Variants in NRXN3 observed in about 807,000 individuals in gnomAD.
NRXN3 encodes neurexin 3.
Under a neutral mutation model 137.6 loss-of-function variants are expected in NRXN3, and 32 were observed. That is an observed-to-expected ratio of 0.23 (90% confidence interval 0.18 to 0.31). The LOEUF (loss-of-function observed/expected upper bound fraction) is 0.31. NRXN3 is among the 10% of genes least tolerant of loss of function. NRXN3 has a pLI of 1.00. For synonymous variants in NRXN3, 798 were observed against 784.5 expected (o/e 1.02, Z -0.29); for missense variants, 1,574 against 2,062.5 (o/e 0.76, Z 4.59).
intron 16 of NRXN3, among the ~76,000 whole-genome samples, chr14:79,657,124 T>C (rs1003162026): frequency 5.9e-5 from 9 of 152,206 alleles, no homozygotes; most frequent in Admixed American, 5.2e-4. Context: ...AGATTTTATT[T>C]ATTTCTCTTA....
At chr14:79,212,857 C>A (rs1211271148) in intron 15 of NRXN3, among the ~76,000 whole-genome samples, 3 of 151,636 alleles carry the variant, frequency 2.0e-5, no homozygotes. Flanking sequence ...ATTTGTTTGA[C>A]CTTGGAATGC....
rs2077280206 is a variant in NRXN3, at chr14:79,259,623, CTATA to C, written c.3263-207595_3263-207592del. Among the ~76,000 whole-genome samples the C allele has an allele frequency of 4.2e-5, 6 of 144,060 alleles. No homozygotes were observed. In the South Asian group the frequency reaches 1.3e-3, roughly 32 times the overall value. 94.5% of individuals were successfully genotyped at this position (144,060 alleles called of 152,430 possible). On this transcript the variant is annotated intron_variant, in intron 15 of 20. Transcript: ENST00000335750. ...TATATATAGCTATATATATGGTTAT[CTATA>C]TAGCTATATATATAGTTATCTATAT...
intron 15 of NRXN3, among the ~76,000 whole-genome samples, chr14:79,291,007 T>G (rs2083094636): frequency 6.6e-6 from 1 of 152,142 alleles, no homozygotes; most frequent in Admixed American, 6.5e-5. Context: ...TGGGGAGAAT[T>G]TGGTCTCATG....
chr14:78,316,121 T>C (rs985049610), intron 4 of NRXN3, among the ~76,000 whole-genome samples: 1 of 152,212 alleles, frequency 6.6e-6, no homozygotes, highest in Non-Finnish European at 1.5e-5. Context: ...TTTGTGTCTT[T>C]GTGAGCAAGT....
At chr14:78,311,387 A>G (rs2077962500) in intron 4 of NRXN3, among the ~76,000 whole-genome samples, 1 of 152,158 alleles carries the variant, frequency 6.6e-6, no homozygotes, top group Admixed American at 6.5e-5. Flanking sequence ...GTCTTTGGGT[A>G]CCTCCATTGC....
chr14:79,029,794 G>A lies in NRXN3; in HGVS notation c.3262+41653G>A, dbSNP rs376328926. 5.7e-3 allele frequency among the ~76,000 whole-genome samples: 866 copies of A among 151,554 alleles called. 8 individuals are homozygous for A. The highest frequency in any genetic ancestry group is 0.019 in the African/African-American group (784 of 41,278). On this transcript the variant is annotated intron_variant, in intron 15 of 20. Coordinates refer to ENST00000335750, the MANE Select transcript of NRXN3 (RefSeq NM_001330195.2). ...AGGGCTATAATTGACATTTTTGACC[G>A]GATAATTCTTTGGGGCAATTGTATG... is the stretch of plus-strand genomic sequence containing the variant.
At chr14:79,519,238 G>A (rs1348804779) in intron 16 of NRXN3, among the ~76,000 whole-genome samples, 1 of 151,858 alleles carries the variant, frequency 6.6e-6, no homozygotes, top group Non-Finnish European at 1.5e-5. Context: ...GACTATTTTT[G>A]TCATTTTTCT....
intron 4 of NRXN3, among the ~76,000 whole-genome samples, chr14:78,556,667 T>C (rs1260991787): frequency 2.6e-5 from 4 of 152,178 alleles, no homozygotes; most frequent in African/African-American, 9.6e-5. Flanking sequence ...TATGGGAGTG[T>C]GCCTTGTGTA....
At chr14:78,994,323 C>G (rs904258466) in intron 15 of NRXN3, among the ~76,000 whole-genome samples, 2 of 152,158 alleles carry the variant, frequency 1.3e-5, no homozygotes, top group African/African-American at 2.4e-5. Flanking sequence ...GTTCAGATCA[C>G]ATTCTGTTTG....
chr14:78,835,273 G>T (rs542787146), intron 10 of NRXN3, among the ~76,000 whole-genome samples: 1 of 152,174 alleles, frequency 6.6e-6, no homozygotes, highest in Non-Finnish European at 1.5e-5. Flanking sequence ...CAGCCACCCC[G>T]TATGGGATTT....
intron 10 of NRXN3, among the ~76,000 whole-genome samples, chr14:78,843,737 G>T (rs1057410003): frequency 3.3e-5 from 5 of 152,036 alleles, no homozygotes; most frequent in African/African-American, 7.2e-5. Flanking sequence ...GCTCCTGTAG[G>T]TTTGCTTTAG....
chr14:79,281,344 A>G (rs2081247616), intron 15 of NRXN3, among the ~76,000 whole-genome samples: 1 of 152,154 alleles, frequency 6.6e-6, no homozygotes, highest in South Asian at 2.1e-4. Flanking sequence ...TTTTACTCCA[A>G]ACAACCCTCC....
chr14:78,301,624 A>G (rs940516206), intron 4 of NRXN3, among the ~76,000 whole-genome samples: 1 of 152,172 alleles, frequency 6.6e-6, no homozygotes, highest in Non-Finnish European at 1.5e-5. Flanking sequence ...CCCTATCTCA[A>G]TGAGTCTGTG....
chr14:79,639,734 A>G (rs2098423360), intron 16 of NRXN3, among the ~76,000 whole-genome samples: 1 of 152,204 alleles, frequency 6.6e-6, no homozygotes, highest in Non-Finnish European at 1.5e-5. Flanking sequence ...GAGTAACCCG[A>G]AGTAGCTAAG....
At position 79,519,778 on chromosome 14, in the gene NRXN3, T is replaced by C. The variant is rs1207388836; in HGVS notation, c.3444+52376T>C. Among the ~76,000 whole-genome samples, 6 of 151,420 alleles carry C rather than the reference T, an allele frequency of 4.0e-5. No homozygotes were observed. In the East Asian group the frequency reaches 9.7e-4, roughly 24 times the overall value. The stretch of plus-strand genomic sequence containing the variant: ...TGTACAATAGTATTTCTTTTTTTTT[T>C]TTTTTTTTGAAAAAGTTGCAGTTTT... On this transcript the variant is annotated intron_variant, in intron 16 of 20. Coordinates refer to ENST00000335750, the MANE Select transcript of NRXN3 (RefSeq NM_001330195.2).
intron 4 of NRXN3, among the ~76,000 whole-genome samples, chr14:78,552,401 G>A (rs1566726727): frequency 6.6e-6 from 1 of 152,176 alleles, no homozygotes; most frequent in Non-Finnish European, 1.5e-5. Context: ...TCTTAGAAAG[G>A]GAGAAGGGCT....
At chr14:78,271,973 T>C (rs748942453) in intron 2 of NRXN3, among the ~76,000 whole-genome samples, 1 of 152,188 alleles carries the variant, frequency 6.6e-6, no homozygotes, top group Non-Finnish European at 1.5e-5. Flanking sequence ...CTTTAGTTCT[T>C]AACTGAAAAA....
chr14:78,541,100 G>C (rs1471792970), intron 4 of NRXN3, among the ~76,000 whole-genome samples: 4 of 152,106 alleles, frequency 2.6e-5, no homozygotes, highest in Non-Finnish European at 4.4e-5. Context: ...TGTGTCTGGG[G>C]TTGCTCTTCT....
At chr14:79,110,930 A>G (rs1255993974) in intron 15 of NRXN3, among the ~76,000 whole-genome samples, 1 of 151,930 alleles carries the variant, frequency 6.6e-6, no homozygotes, top group Non-Finnish European at 1.5e-5. Flanking sequence ...AGCTGGGACT[A>G]CAGGCACCCG....
Sources: allele counts gnomAD v4.1 joint callset (sites outside exome capture counted in the v4.1 genomes callset), GRCh38; gene constraint gnomAD v4.1.1; transcripts MANE v1.5; gene names NCBI Gene and HGNC (gene_info 2026-07-23, HGNC 2026-07-21).